Variants in NIM1K observed in about 807,000 individuals in gnomAD.
The protein encoded by NIM1K is NIM1 serine/threonine protein kinase.
Under a neutral mutation model 37.1 loss-of-function variants are expected in NIM1K, and 35 were observed. The observed-to-expected ratio is 0.94, with a 90% CI of 0.72 to 1.25. NIM1K has a LOEUF of 1.25. NIM1K is among the 50% of genes most tolerant of loss of function. NIM1K has a pLI of 0.00. For synonymous variants in NIM1K, 234 were observed against 206.6 expected, an observed-to-expected ratio of 1.13 and a Z score of -1.14; for missense variants, 564 against 548.0, an observed-to-expected ratio of 1.03 and a Z score of -0.29.
At chr5:43,206,298 G>A (rs1752109417) in intron 1 of NIM1K, among the ~76,000 whole-genome samples, 1 of 151,848 alleles carries the variant, frequency 6.6e-6, no homozygotes, top group Admixed American at 6.6e-5. Flanking sequence ...AGGAGTTCAA[G>A]ACCAGCCTGT....
At chr5:43,250,505 A>T (rs1752853487) in intron 2 of NIM1K, among the ~76,000 whole-genome samples, 1 of 152,204 alleles carries the variant, frequency 6.6e-6, no homozygotes, top group South Asian at 2.1e-4. Flanking sequence ...GAGGGCATGC[A>T]TTGAAAAATT....
intron 1 of NIM1K, among the ~76,000 whole-genome samples, chr5:43,238,458 T>A (rs1311542461): frequency 1.3e-5 from 2 of 152,128 alleles, no homozygotes; most frequent in South Asian, 2.1e-4. Flanking sequence ...TTATCTTTTA[T>A]CTTCTGCTTC....
At chr5:43,252,899 CTCA>C (rs1752885498) in intron 2 of NIM1K, among the ~76,000 whole-genome samples, 1 of 150,938 alleles carries the variant, frequency 6.6e-6, no homozygotes, top group African/African-American at 2.4e-5. Context: ...CTACTCTAGT[CTCA>C]TGTTTCTAGG....
intron 1 of NIM1K, among the ~76,000 whole-genome samples, chr5:43,223,373 T>C (rs1752408875): frequency 1.3e-5 from 2 of 152,154 alleles, no homozygotes; most frequent in South Asian, 2.1e-4. Flanking sequence ...AAATAGTTAA[T>C]ACACATACAG....
At chr5:43,204,534 T>C (rs1157720977) in intron 1 of NIM1K, among the ~76,000 whole-genome samples, 1 of 150,124 alleles carries the variant, frequency 6.7e-6, no homozygotes, top group African/African-American at 2.5e-5. Flanking sequence ...AAATCCCGTC[T>C]CTACTAAAAA....
At chr5:43,211,874 T>C (rs1752209585) in intron 1 of NIM1K, among the ~76,000 whole-genome samples, 2 of 152,100 alleles carry the variant, frequency 1.3e-5, no homozygotes, top group Admixed American at 1.3e-4. Context: ...AGATGGGAAG[T>C]AGGGAAGCCT....
chr5:43,229,467 A>T (rs191417889), intron 1 of NIM1K, among the ~76,000 whole-genome samples: 10 of 152,146 alleles, frequency 6.6e-5, no homozygotes, highest in African/African-American at 2.4e-4. Flanking sequence ...GTATCAGAAA[A>T]CTAAAATCAG....
At chr5:43,277,425 G>A (rs771111071) in intron 3 of NIM1K, 100 bp downstream of exon 3, 1 of 1,291,300 alleles carries the variant, frequency 7.7e-7, no homozygotes, top group South Asian at 1.4e-5. Context: ...GAGGGCTTTT[G>A]TCCTACAAAG....
At chr5:43,262,741 G>A (rs1183601214) in intron 2 of NIM1K, among the ~76,000 whole-genome samples, 1 of 152,022 alleles carries the variant, frequency 6.6e-6, no homozygotes, top group Admixed American at 6.5e-5. Flanking sequence ...ATTGGCTGTG[G>A]GTTTATCATA....
chr5:43,275,320 A>C (rs905958002), intron 2 of NIM1K, among the ~76,000 whole-genome samples: 14 of 152,202 alleles, frequency 9.2e-5, no homozygotes. Context: ...ACCACACTCT[A>C]TTTTAACTAT....
intron 2 of NIM1K, among the ~76,000 whole-genome samples, chr5:43,272,927 G>T (rs1370465903): frequency 6.6e-6 from 1 of 152,108 alleles, no homozygotes; most frequent in South Asian, 2.1e-4. Flanking sequence ...CTAACTCCCT[G>T]TTCCATACAA....
chr5:43,249,957 G>A (rs779395815), intron 2 of NIM1K, among the ~76,000 whole-genome samples: 28 of 145,726 alleles, frequency 1.9e-4, no homozygotes, highest in African/African-American at 5.6e-4. Context: ...GGTTCATGCC[G>A]TTCTCCTGCC....
chr5:43,232,782 C>T, intron 1 of NIM1K: 1 of 1,100,872 alleles, frequency 9.1e-7, no homozygotes, highest in East Asian at 2.4e-5. Context: ...CTTGGCGATC[C>T]ATGCACTGTT....
chr5:43,239,238 AT>A (rs1364901693), intron 1 of NIM1K, among the ~76,000 whole-genome samples: 2 of 151,662 alleles, frequency 1.3e-5, no homozygotes, highest in African/African-American at 2.4e-5. Flanking sequence ...TCTTATTTTT[AT>A]TTATTTATTT....
At chr5:43,210,562 C>T (rs908540569) in intron 1 of NIM1K, among the ~76,000 whole-genome samples, 5 of 152,058 alleles carry the variant, frequency 3.3e-5, no homozygotes, top group African/African-American at 1.2e-4. Flanking sequence ...TCAGAGACTT[C>T]ACAGAGGGAC....
At chr5:43,214,544 G>C (rs139773726) in intron 1 of NIM1K, among the ~76,000 whole-genome samples, 4 of 149,212 alleles carry the variant, frequency 2.7e-5, no homozygotes, top group East Asian at 2.0e-4. Flanking sequence ...TGCCGGGCGC[G>C]GTGGCTTACG....
Position 43,233,094 on chromosome 5 carries a change from T to A in NIM1K, c.-694-11988T>A, listed in dbSNP as rs759644728. On this transcript the variant is annotated intron_variant, in intron 1 of 3. Coordinates refer to ENST00000326035, the MANE Select transcript of NIM1K (RefSeq NM_153361.4). ...TCTGGCCATTGGGCTGGATGCCATG[T>A]TCCAGGCAGTAGGGCTCCCAGCAGG... 13 of 1,345,178 alleles carry A rather than the reference T, an allele frequency of 9.7e-6. No individual in the cohort carries two copies. The Admixed American group carries it at 1.2e-4, about 12-fold the overall frequency. 83.3% of individuals were successfully genotyped at this position (1,345,178 alleles called of 1,614,324 possible). A position where few individuals can be genotyped will look rare whatever the true frequency, so the allele number is the denominator to read the frequency against.
intron 1 of NIM1K, among the ~76,000 whole-genome samples, chr5:43,203,025 A>C (rs1561071594): frequency 6.6e-6 from 1 of 152,028 alleles, no homozygotes; most frequent in Non-Finnish European, 1.5e-5. Flanking sequence ...CCTTTCGATG[A>C]CTGTTTTGCT....
At position 43,280,384 on chromosome 5, in the gene NIM1K, T is replaced by C. The variant is rs1753422297; in HGVS notation, c.966T>C (p.Asp322=). 10 of 1,614,138 alleles carry C rather than the reference T, an allele frequency of 6.2e-6. No homozygotes were observed. In the East Asian group the frequency reaches 2.0e-4, roughly 32 times the overall value. Residue 322 remains aspartate (D), a synonymous_variant, in exon 4 of 4, where the codon GAT becomes GAC. Coordinates refer to ENST00000326035, the MANE Select transcript of NIM1K (RefSeq NM_153361.4). ...ACGGAATCGACTGCATCATGAATGA[T>C]GAATGGATGCAAGGGGTGCCATACC... ...ERYGIDCIMN[D]EWMQGVPYPT...
Sources: gnomAD v4.1 joint callset for allele counts (sites outside exome capture counted in the v4.1 genomes callset) on GRCh38, gnomAD v4.1.1 for gene constraint, MANE v1.5 for transcripts, NCBI Gene and HGNC (gene_info 2026-07-23, HGNC 2026-07-21) for gene names.